GPR4: variants seen among roughly 807,000 people sequenced by gnomAD.
The protein encoded by GPR4 is G protein-coupled receptor 4.
GPR4 carries 11 observed loss-of-function variants against 17.8 expected under a neutral mutation model. The ratio of observed to expected loss-of-function variants is 0.62; its 90% confidence interval spans 0.39 to 1.02. GPR4 has a LOEUF of 1.02. GPR4 is among the 50% of genes least tolerant of loss of function. The probability of loss-of-function intolerance (pLI) is 0.00; values close to 1 mark genes in which losing one functional copy is unlikely to be tolerated. For missense variants in GPR4, 364 were observed against 495.4 expected (o/e 0.73, Z 2.52); for synonymous variants, 219 against 222.8 (o/e 0.98, Z 0.15).
Position 45,591,829 on chromosome 19 carries a change from G to C in GPR4, c.38C>G (p.Ser13Trp), listed in dbSNP as rs1179589214. 2 of 1,585,106 alleles carry C rather than the reference G, an allele frequency of 1.3e-6. No homozygotes were observed. The highest frequency in any genetic ancestry group is 1.7e-6 in the Non-Finnish European group (2 of 1,161,914). ...NHTWEGCHVD[S>W]RVDHLFPPSL... ...TGGCGGAAAGAGGTGGTCCACGCGC[G>C]AGTCCACGTGGCAGCCCTCCCACGT... The change falls in exon 2 of 2, where the codon TCG becomes TGG. Residue 13 changes from serine (S) to tryptophan (W), a missense_variant. By Grantham distance (177) the Ser-to-Trp change is radical. Transcript: ENST00000323040. The surrounding 1 kb of genome is among the most constrained non-coding windows in gnomAD (Gnocchi z 7.6).
Position 45,591,570 on chromosome 19 carries a change from G to A in GPR4, c.297C>T (p.Thr99=), listed in dbSNP as rs752374897. The change falls in exon 2 of 2, where the codon ACC becomes ACT. Residue 99 remains threonine, a synonymous_variant. Coordinates refer to ENST00000323040, the MANE Select transcript of GPR4 (RefSeq NM_005282.3). The surrounding 1 kb of genome is among the most constrained non-coding windows in gnomAD (Gnocchi z 7.6). ...GGAAGGCGATGCTGATGTAGATATT[G>A]GTGTAGAAGATGAACCCAAAGAGCT... The part of the protein sequence containing the change: ...SCKLFGFIFY[T]NIYISIAFLC... 2.5e-6 allele frequency: 4 copies of A among 1,613,922 alleles called. No individual in the cohort carries two copies. The African/African-American group carries it at 5.3e-5, about 22-fold the overall frequency.
intron 1 of GPR4, among the ~76,000 whole-genome samples, chr19:45,600,193 C>T (rs1349736937): frequency 6.6e-6 from 1 of 152,152 alleles, no homozygotes; most frequent in East Asian, 1.9e-4. Context: ...CTGGGGGTGA[C>T]ATGCTATATC....
intron 1 of GPR4, among the ~76,000 whole-genome samples, chr19:45,593,847 C>T (rs1302030077): frequency 6.6e-6 from 1 of 151,512 alleles, no homozygotes; most frequent in Non-Finnish European, 1.5e-5. Context: ...ATAGCAGATC[C>T]CATTCCAGGC....
In GPR4 at chr19:45,590,537, C is replaced by T; in HGVS notation, c.*241G>A. Reference sequence around the variant, plus strand: ...CCTGGGCAACACAGTGAGACCCTGTCTCCAAAAAAATATATTTACTCATCT... The same window carrying T: ...CCTGGGCAACACAGTGAGACCCTGTTTCCAAAAAAATATATTTACTCATCT... On this transcript the variant is annotated 3_prime_UTR_variant, in exon 2 of 2. Transcript: ENST00000323040. 2.1e-6 allele frequency: 1 copy of T among 483,442 alleles called. No individual in the cohort carries two copies. The highest frequency in any genetic ancestry group is 3.6e-6 in the Non-Finnish European group (1 of 275,682). 29.9% of individuals were successfully genotyped at this position (483,442 alleles called of 1,614,324 possible). A position where few individuals can be genotyped will look rare whatever the true frequency, so the allele number is the denominator to read the frequency against.
chr19:45,601,293 CA>C (rs1970109223), intron 1 of GPR4, among the ~76,000 whole-genome samples: 1 of 152,166 alleles, frequency 6.6e-6, no homozygotes, highest in African/African-American at 2.4e-5. Context: ...TGTCCAGTTC[CA>C]GGGGGGAGAG....
At chr19:45,600,598 A>C (rs1970102353) in intron 1 of GPR4, among the ~76,000 whole-genome samples, 1 of 152,342 alleles carries the variant, frequency 6.6e-6, no homozygotes, top group Non-Finnish European at 1.5e-5. Flanking sequence ...GTAGCAGAAG[A>C]AGCCAGCTCT....
intron 1 of GPR4, among the ~76,000 whole-genome samples, chr19:45,594,479 T>G (rs1970037585): frequency 6.7e-6 from 1 of 150,230 alleles, no homozygotes; most frequent in African/African-American, 2.5e-5. Context: ...AATGCTAGGA[T>G]TATAGGAGTG....
chr19:45,593,879 TTTTA>T (rs1393832476), intron 1 of GPR4, among the ~76,000 whole-genome samples: 1 of 151,192 alleles, frequency 6.6e-6, no homozygotes, highest in Non-Finnish European at 1.5e-5. Context: ...TATTATTTCT[TTTTA>T]TTTATTTATT....
rs1200574979 is a variant in GPR4 at position 45,591,128 on chromosome 19, G to C, written c.739C>G (p.Arg247Gly). 5 of 1,613,700 alleles carry C rather than the reference G, an allele frequency of 3.1e-6. No individual in the cohort carries two copies. Among genetic ancestry groups the C allele is most frequent in the Non-Finnish European group, 4.2e-6 (5 of 1,179,970 alleles). ...FAPYHVLLLS[R>G]SAIYLGRPWD... ...GGGCGGCCCAGGTAGATGGCGCTGC[G>C]GGACAGCAAGAGCACGTGATAGGGC... The change falls in exon 2 of 2, where the codon CGC becomes GGC. Residue 247 changes from arginine (R) to glycine (G), a missense_variant. Transcript: ENST00000323040. The surrounding 1 kb of genome is among the most constrained non-coding windows in gnomAD (Gnocchi z 7.6).
intron 1 of GPR4, among the ~76,000 whole-genome samples, 172 bp from the exon 2 acceptor site, chr19:45,592,869 A>T (rs1250340425): frequency 1.3e-5 from 2 of 152,076 alleles, no homozygotes; most frequent in Non-Finnish European, 2.9e-5. Flanking sequence ...GGTGTCAGGC[A>T]TATTTTCCCC....
intron 1 of GPR4, among the ~76,000 whole-genome samples, chr19:45,595,372 A>T (rs1186505016): frequency 6.6e-6 from 1 of 152,114 alleles, no homozygotes; most frequent in Admixed American, 6.6e-5. Context: ...TGGGAACCAA[A>T]GCTGCAGAGG....
chr19:45,592,796 C>T (rs1237324067), intron 1 of GPR4, 99 bp from the exon 2 acceptor site: 2 of 160,424 alleles, frequency 1.2e-5, no homozygotes, highest in Non-Finnish European at 2.9e-5. Context: ...AGAGACTGGA[C>T]ACCCCAACAA....
chr19:45,590,136 A>C lies in GPR4; in HGVS notation c.*642T>G, dbSNP rs1406494606. The C allele has an allele frequency of 6.6e-6, 1 of 151,716 alleles. No homozygotes were observed. Among genetic ancestry groups the C allele is most frequent in the Non-Finnish European group, 1.5e-5 (1 of 68,002 alleles). The allele number at this position is 151,716 out of a possible 1,614,324, so 9.4% of individuals were successfully genotyped here. A position where few individuals can be genotyped will look rare whatever the true frequency, so the allele number is the denominator to read the frequency against. On this transcript the variant is annotated 3_prime_UTR_variant, in exon 2 of 2. Coordinates refer to ENST00000323040, the MANE Select transcript of GPR4 (RefSeq NM_005282.3). ...AACATAATGACTCTATATCGGCTGC[A>C]TTTCTCCTTCCACTTTCCCCCGAGT...
At chr19:45,598,266 C>T (rs1287073525) in intron 1 of GPR4, among the ~76,000 whole-genome samples, 7 of 152,012 alleles carry the variant, frequency 4.6e-5, no homozygotes, top group Non-Finnish European at 8.8e-5. Flanking sequence ...AGTATTTGAA[C>T]GATTATTATT....
intron 1 of GPR4, among the ~76,000 whole-genome samples, chr19:45,594,063 A>AAT (rs1186316579): frequency 0.031 from 1,107 of 36,204 alleles, 37 homozygotes; most frequent in Non-Finnish European, 0.042. Flanking sequence ...AAAAAAAAAA[A>AAT]ATATATATAT....
chr19:45,597,581 G>A (rs1403731958), intron 1 of GPR4, among the ~76,000 whole-genome samples: 1 of 152,178 alleles, frequency 6.6e-6, no homozygotes, highest in Non-Finnish European at 1.5e-5. Flanking sequence ...CCAGCATACA[G>A]TAGGTGCTCA....
rs763667046 is a variant in GPR4, at chr19:45,591,118, A to G, written c.749T>C (p.Ile250Thr). ...GCAGTCCCAGGGGCGGCCCAGGTAG[A>G]TGGCGCTGCGGGACAGCAAGAGCAC... ...YHVLLLSRSA[I>T]YLGRPWDCGF... is the part of the protein sequence containing the mutation. Residue 250 changes from isoleucine to threonine, a missense_variant, in exon 2 of 2, where the codon ATC (isoleucine) becomes ACC (threonine). Physicochemically the swap from Ile to Thr is moderately conservative, Grantham distance 89. Around this residue, in one of 3 missense-constraint regions of GPR4, gnomAD observed 271 missense variants for 373.1 expected, o/e 0.73. Coordinates refer to ENST00000323040, the MANE Select transcript of GPR4 (RefSeq NM_005282.3). The surrounding 1 kb of genome is among the most constrained non-coding windows in gnomAD (Gnocchi z 7.6). 6.2e-7 allele frequency: 1 copy of G among 1,613,776 alleles called. No individual in the cohort carries two copies. Among genetic ancestry groups the G allele is most frequent in the Non-Finnish European group, 8.5e-7 (1 of 1,179,978 alleles).
rs535692213 is a variant in GPR4, at chr19:45,590,181, G to T, written c.*597C>A. On this transcript the variant is annotated 3_prime_UTR_variant, in exon 2 of 2. Coordinates refer to ENST00000323040, the MANE Select transcript of GPR4 (RefSeq NM_005282.3). The stretch of plus-strand genomic sequence containing the variant: ...CCGAGTCACAGACTTTTATCCACTT[G>T]TTGGAAAAAAAAAAATCTAACCTTC... 1 of 150,132 alleles carries T rather than the reference G, an allele frequency of 6.7e-6. No individual in the cohort carries two copies. Among genetic ancestry groups the T allele is most frequent in the Admixed American group, 6.6e-5 (1 of 15,062 alleles). 9.3% of individuals were successfully genotyped at this position (150,132 alleles called of 1,614,324 possible). A position where few individuals can be genotyped will look rare whatever the true frequency, so the allele number is the denominator to read the frequency against.
chr19:45,593,517 GAAA>G (rs777473789), intron 1 of GPR4, among the ~76,000 whole-genome samples: 1 of 93,488 alleles, frequency 1.1e-5, no homozygotes, highest in African/African-American at 4.1e-5. Flanking sequence ...AAGAAGAAAA[GAAA>G]AAAAAGAAAA....
Sources: allele counts gnomAD v4.1 joint callset (sites outside exome capture counted in the v4.1 genomes callset), GRCh38; gene constraint gnomAD v4.1.1; regional missense constraint gnomAD v4.1.1; non-coding constraint Gnocchi (gnomAD v3.1); transcripts MANE v1.5; gene names NCBI Gene and HGNC (gene_info 2026-07-23, HGNC 2026-07-21).